Variants in NEURL1B observed in about 807,000 individuals in gnomAD.
The protein encoded by NEURL1B is neuralized E3 ubiquitin protein ligase 1B.
NEURL1B carries 13 observed loss-of-function variants against 37.4 expected under a neutral mutation model. The observed-to-expected ratio is 0.35, with a 90% CI of 0.23 to 0.55. The LOEUF (loss-of-function observed/expected upper bound fraction) is 0.55. Ranked by LOEUF, NEURL1B falls within the 20% of genes least tolerant of loss-of-function variation. The probability of loss-of-function intolerance (pLI) is 0.89; values close to 1 mark genes in which losing one functional copy is unlikely to be tolerated. For synonymous variants in NEURL1B, 432 were observed against 426.6 expected (o/e 1.01, Z -0.16); for missense variants, 790 against 879.2 (o/e 0.90, Z 1.28).
At chr5:172,643,253 C>T (rs144412782) in intron 1 of NEURL1B, among the ~76,000 whole-genome samples, 446 of 152,252 alleles carry the variant, frequency 2.9e-3, no homozygotes, top group Non-Finnish European at 4.6e-3. Context: ...GGGTCAGAAC[C>T]GGAATTCCTG....
chr5:172,645,333 A>G (rs1757541022), intron 1 of NEURL1B, among the ~76,000 whole-genome samples: 1 of 152,178 alleles, frequency 6.6e-6, no homozygotes, highest in South Asian at 2.1e-4. Context: ...CTTACCCCAG[A>G]CAGTCTGACA....
At position 172,675,616 on chromosome 5, in the gene NEURL1B, C is replaced by T. The variant is rs1581435110; in HGVS notation, c.577+5286C>T. On this transcript the variant is annotated intron_variant, in intron 2 of 4. Coordinates refer to ENST00000369800, the MANE Select transcript of NEURL1B (RefSeq NM_001142651.3). The surrounding 1 kb of genome is among the most constrained non-coding windows in gnomAD (Gnocchi z 4.7). Reference sequence around the variant, plus strand: ...GAGAGGAAGCTTCTGCCAGGCCATGCGCTCCCTTCCCTCCCTTCTCCCTGT... The same window carrying T: ...GAGAGGAAGCTTCTGCCAGGCCATGTGCTCCCTTCCCTCCCTTCTCCCTGT... Among the ~76,000 whole-genome samples the T allele has an allele frequency of 1.5e-5, 2 of 135,772 alleles. No homozygotes were observed. Among genetic ancestry groups the T allele is most frequent in the South Asian group, 5.1e-4 (2 of 3,900 alleles). 89.1% of individuals were successfully genotyped at this position (135,772 alleles called of 152,430 possible).
Position 172,690,330 on chromosome 5 carries a change from A to G in NEURL1B, c.*3405A>G, listed in dbSNP as rs1314403625. 5 of 152,162 alleles carry G rather than the reference A, an allele frequency of 3.3e-5. No individual in the cohort carries two copies. Among genetic ancestry groups the G allele is most frequent in the African/African-American group, 9.7e-5 (4 of 41,418 alleles). The allele number at this position is 152,162 out of a possible 1,614,324, so 9.4% of individuals were successfully genotyped here. ...CGTTTCCAGTCCCTCGATGCCACTA[A>G]TCAGCATGGACTGTGTTCAGGACAC... On this transcript the variant is annotated 3_prime_UTR_variant, in exon 5 of 5. Coordinates refer to ENST00000369800, the MANE Select transcript of NEURL1B (RefSeq NM_001142651.3).
intron 1 of NEURL1B, among the ~76,000 whole-genome samples, chr5:172,646,960 G>A (rs1349939024): frequency 6.6e-6 from 1 of 152,042 alleles, no homozygotes; most frequent in African/African-American, 2.4e-5. Context: ...GGGGCCGGGG[G>A]TAAGAGGAGG....
intron 1 of NEURL1B, among the ~76,000 whole-genome samples, chr5:172,663,529 A>AT (rs1757943996): frequency 6.6e-6 from 1 of 151,200 alleles, no homozygotes; most frequent in African/African-American, 2.4e-5. Flanking sequence ...TCAAAAAAAA[A>AT]AAAAAAAAAA....
At chr5:172,677,307 G>A (rs895806817) in intron 2 of NEURL1B, among the ~76,000 whole-genome samples, 22 of 152,176 alleles carry the variant, frequency 1.4e-4, no homozygotes, top group African/African-American at 4.1e-4. Context: ...GAGCGAGACC[G>A]CCGCTGCATG....
At chr5:172,678,052 G>A (rs146482091) in intron 2 of NEURL1B, among the ~76,000 whole-genome samples, 1,540 of 152,038 alleles carry the variant, frequency 0.01, 11 homozygotes, top group Middle Eastern at 0.034. Flanking sequence ...GACCTCTCCC[G>A]GCTGTGTGAA....
rs1191706889 is a variant in NEURL1B at position 172,669,830 on chromosome 5, GC to G, written c.81del (p.Gly28AlafsTer82). 3.0e-6 allele frequency: 4 copies of G among 1,336,356 alleles called. No homozygotes were observed. Among genetic ancestry groups the G allele is most frequent in the Admixed American group, 4.1e-5 (1 of 24,114 alleles). 82.8% of individuals were successfully genotyped at this position (1,336,356 alleles called of 1,614,324 possible). On this transcript the variant is annotated frameshift_variant, in exon 2 of 5. Coordinates refer to ENST00000369800, the MANE Select transcript of NEURL1B (RefSeq NM_001142651.3). LOFTEE classifies it high-confidence loss of function. ...CTCCTGGCCACCCGGCCGTGCTGCG[GC>G]CCCGGCCCCGAGCGACGCCCGGTCC... is the stretch of plus-strand genomic sequence containing the variant. ...ARLLATRPCC[G>X]PGPERRPVLG...
intron 1 of NEURL1B, among the ~76,000 whole-genome samples, chr5:172,668,389 G>A (rs1213581701): frequency 6.6e-6 from 1 of 152,170 alleles, no homozygotes; most frequent in African/African-American, 2.4e-5. Context: ...TCTGTTTAGA[G>A]AGGAGCCTCC....
chr5:172,664,080 A>G (rs916791838), intron 1 of NEURL1B, among the ~76,000 whole-genome samples: 2 of 152,112 alleles, frequency 1.3e-5, no homozygotes, highest in Non-Finnish European at 2.9e-5. Context: ...GTTGAATTAG[A>G]AAACAAAAAG....
chr5:172,642,097 G>T (rs1245673743), intron 1 of NEURL1B, among the ~76,000 whole-genome samples: 1 of 152,252 alleles, frequency 6.6e-6, no homozygotes, highest in Admixed American at 6.5e-5. Flanking sequence ...GGTTAACGGG[G>T]TAGGAGGAGG....
chr5:172,680,801 A>T (rs949345263), intron 2 of NEURL1B, among the ~76,000 whole-genome samples: 1 of 152,210 alleles, frequency 6.6e-6, no homozygotes, highest in South Asian at 2.1e-4. Context: ...ATGTTATATC[A>T]TAGGTATTTT....
chr5:172,668,583 C>T (rs796818062), intron 1 of NEURL1B, among the ~76,000 whole-genome samples: 10 of 152,320 alleles, frequency 6.6e-5, no homozygotes, highest in African/African-American at 2.4e-4. Flanking sequence ...GTGCCCAGAG[C>T]ACAGTGCACC....
chr5:172,683,353 G>A lies in NEURL1B; in HGVS notation c.578-66G>A, dbSNP rs1758401493. 7.9e-7 allele frequency: 1 copy of A among 1,263,690 alleles called. No individual in the cohort carries two copies. Among genetic ancestry groups the A allele is most frequent in the Non-Finnish European group, 1.0e-6 (1 of 1,001,752 alleles). 78.3% of individuals were successfully genotyped at this position (1,263,690 alleles called of 1,614,324 possible). On this transcript the variant is annotated intron_variant, in intron 2 of 4. Transcript: ENST00000369800. The surrounding 1 kb of genome is among the most constrained non-coding windows in gnomAD (Gnocchi z 5.6). The stretch of plus-strand genomic sequence containing the variant: ...AGGCCTGCAGGAGGCAGCGGGCGAG[G>A]AGGGGCTCGCGACCAGCCTGACGCG...
At chr5:172,642,688 T>C (rs1467465216) in intron 1 of NEURL1B, among the ~76,000 whole-genome samples, 6 of 152,264 alleles carry the variant, frequency 3.9e-5, no homozygotes, top group Admixed American at 6.5e-5. Context: ...CAACTCCTAC[T>C]TTACAAGCCT....
rs760475365 is a variant in NEURL1B, at chr5:172,686,950, C to T, written c.*25C>T. ...GCCTAGCCTGCCCACGGGCCTTGGC[C>T]GGTGCAAGGTCACCTTTCTGAAGGC... On this transcript the variant is annotated 3_prime_UTR_variant, in exon 5 of 5. Coordinates refer to ENST00000369800, the MANE Select transcript of NEURL1B (RefSeq NM_001142651.3). This position sits in a 1 kb window ranked among gnomAD's most constrained non-coding sequence, Gnocchi z 7.9. The T allele has an allele frequency of 5.2e-5, 80 of 1,532,100 alleles. 1 individual carries two copies. The South Asian group carries it at 7.1e-4, about 14-fold the overall frequency. 94.9% of individuals were successfully genotyped at this position (1,532,100 alleles called of 1,614,324 possible).
Position 172,641,442 on chromosome 5 carries a change from G to A in NEURL1B, c.31+5G>A. The A allele has an allele frequency of 7.6e-7, 1 of 1,323,370 alleles. No homozygotes were observed. Among genetic ancestry groups the A allele is most frequent in the Non-Finnish European group, 9.6e-7 (1 of 1,038,854 alleles). The allele number at this position is 1,323,370 out of a possible 1,614,324, so 82.0% of individuals were successfully genotyped here. On this transcript the variant is annotated splice_donor_5th_base_variant and intron_variant, in intron 1 of 4. Coordinates refer to ENST00000369800, the MANE Select transcript of NEURL1B (RefSeq NM_001142651.3). The surrounding 1 kb of genome is among the most constrained non-coding windows in gnomAD (Gnocchi z 6.4). ...CGGTGCACCGGACCCTGCCAGGTAC[G>A]CCGGGGAGCCCTGCCCGGGAGGCGG... is the stretch of plus-strand genomic sequence containing the variant.
chr5:172,667,445 C>CAA (rs375143480), intron 1 of NEURL1B, among the ~76,000 whole-genome samples: 19,160 of 141,648 alleles, frequency 0.14, 1,380 homozygotes, highest in African/African-American at 0.19. Flanking sequence ...GACTCCATTT[C>CAA]AAAAAAAAAA....
intron 2 of NEURL1B, among the ~76,000 whole-genome samples, chr5:172,681,856 G>A (rs968980649): frequency 5.9e-5 from 9 of 152,238 alleles, no homozygotes; most frequent in Non-Finnish European, 1.0e-4. Flanking sequence ...TTGGCTCAAA[G>A]TGGTCTGTTT....
Sources: gnomAD v4.1 joint callset for allele counts (sites outside exome capture counted in the v4.1 genomes callset) on GRCh38, gnomAD v4.1.1 for gene constraint, Gnocchi (gnomAD v3.1) non-coding constraint, MANE v1.5 for transcripts, NCBI Gene and HGNC (gene_info 2026-07-23, HGNC 2026-07-21) for gene names.